The following MTCL1 variants were observed in gnomAD, a reference collection of about 807,000 sequenced individuals.
MTCL1 encodes microtubule crosslinking factor 1.
MTCL1 carries 79 observed loss-of-function variants against 141.4 expected under a neutral mutation model. The observed-to-expected ratio is 0.56, with a 90% CI of 0.47 to 0.67. MTCL1 has a LOEUF of 0.67. Ranked by LOEUF, MTCL1 falls within the 30% of genes least tolerant of loss-of-function variation. The pLI is 0.00. For synonymous variants in MTCL1, 914 were observed against 875.8 expected, an observed-to-expected ratio of 1.04 and a Z score of -0.77; for missense variants, 2,177 against 2,113.9, an observed-to-expected ratio of 1.03 and a Z score of -0.59.
chr18:8,774,090 A>G (rs1447480579), intron 4 of MTCL1, among the ~76,000 whole-genome samples: 1 of 151,656 alleles, frequency 6.6e-6, no homozygotes, highest in East Asian at 1.9e-4. Context: ...AGCCATAGAC[A>G]GTGATAAATG....
At position 8,709,280 on chromosome 18, in the gene MTCL1, ACCC is replaced by A. The variant is rs1347071213; in HGVS notation, c.1053+2568_1053+2570del. 2.6e-5 allele frequency among the ~76,000 whole-genome samples: 4 copies of A among 151,866 alleles called. No individual in the cohort carries two copies. The South Asian group carries it at 8.3e-4, about 32-fold the overall frequency. ...TGATCATAGCTCACTACAACCTTGA[ACCC>A]GTGGGCTCAAGTGATCTTCCTGCCT... On this transcript the variant is annotated intron_variant, in intron 1 of 13. Coordinates refer to the MTCL1 transcript ENST00000306329.
At chr18:8,765,517 A>G (rs766563280) in intron 4 of MTCL1, among the ~76,000 whole-genome samples, 20 of 152,286 alleles carry the variant, frequency 1.3e-4, no homozygotes, top group Non-Finnish European at 2.1e-4. Context: ...CAAGTCACTT[A>G]ACCTTCGCAC....
Position 8,821,448 on chromosome 18 carries a change from A to T in MTCL1, c.3157-19A>T, listed in dbSNP as rs1241351376. The stretch of plus-strand genomic sequence containing the variant: ...AACCAAAATTAACCGATTCAGATGA[A>T]GTTATTTCTTCTTTATAGGAAGAAG... On this transcript the variant is annotated intron_variant, in intron 13 of 16. Transcript: ENST00000359865. The T allele has an allele frequency of 6.9e-7, 1 of 1,445,690 alleles. No individual in the cohort carries two copies. The highest frequency in any genetic ancestry group is 9.6e-7 in the Non-Finnish European group (1 of 1,038,134). The allele number at this position is 1,445,690 out of a possible 1,614,324, so 89.6% of individuals were successfully genotyped here.
At chr18:8,731,728 A>T (rs189996643) in intron 4 of MTCL1, among the ~76,000 whole-genome samples, 13 of 152,072 alleles carry the variant, frequency 8.5e-5, no homozygotes, top group African/African-American at 3.1e-4. Flanking sequence ...TTTTTTTTTG[A>T]GACAGAGTCC....
chr18:8,806,174 G>A (rs556683659), intron 10 of MTCL1, among the ~76,000 whole-genome samples: 21 of 152,172 alleles, frequency 1.4e-4, no homozygotes, highest in Non-Finnish European at 2.2e-4. Context: ...TCTATCTCAA[G>A]GGACCACAAT....
exon 17 of MTCL1, chr18:8,832,710 C>T (rs1371583285): frequency 6.6e-6 from 1 of 152,160 alleles, no homozygotes; most frequent in Non-Finnish European, 1.5e-5. Context: ...CAAATGGAAA[C>T]ACATGATGAT....
intron 11 of MTCL1, among the ~76,000 whole-genome samples, chr18:8,811,414 G>C (rs1360329770): frequency 6.6e-6 from 1 of 152,186 alleles, no homozygotes; most frequent in South Asian, 2.1e-4. Flanking sequence ...CGACACTGGG[G>C]ATCAGATTTC....
At chr18:8,769,679 T>C (rs1288960146) in intron 4 of MTCL1, among the ~76,000 whole-genome samples, 2 of 152,214 alleles carry the variant, frequency 1.3e-5, no homozygotes, top group Non-Finnish European at 2.9e-5. Context: ...GACCTTCCAC[T>C]TGCTGGCCAG....
At chr18:8,709,039 C>G (rs78247093) in intron 1 of MTCL1, among the ~76,000 whole-genome samples, 2 of 151,356 alleles carry the variant, frequency 1.3e-5, no homozygotes, top group African/African-American at 4.9e-5. Context: ...TTCTACAGGT[C>G]GTGGAGCCTG....
intron 4 of MTCL1, among the ~76,000 whole-genome samples, chr18:8,745,096 A>G (rs1308823767): frequency 1.3e-5 from 2 of 152,236 alleles, no homozygotes; most frequent in Admixed American, 6.5e-5. Flanking sequence ...GGAGATTTTC[A>G]GTTATAAGTA....
intron 4 of MTCL1, among the ~76,000 whole-genome samples, chr18:8,729,804 A>AG (rs906891397): frequency 6.6e-6 from 1 of 150,508 alleles, no homozygotes; most frequent in African/African-American, 2.4e-5. Context: ...TCAGGGCAAA[A>AG]GTTTTTAGTT....
chr18:8,773,460 CTT>C (rs2096492932), intron 4 of MTCL1, among the ~76,000 whole-genome samples: 1 of 152,166 alleles, frequency 6.6e-6, no homozygotes, highest in African/African-American at 2.4e-5. Context: ...AGATACTACT[CTT>C]TTGTCTGTCA....
chr18:8,720,208 T>A (rs1242476973), intron 3 of MTCL1, 130 bp from the exon 3 acceptor site: 2 of 795,016 alleles, frequency 2.5e-6, no homozygotes, highest in African/African-American at 3.5e-5. Flanking sequence ...AAGTCAGTTG[T>A]GTATTGCCAG....
intron 11 of MTCL1, chr18:8,811,191 T>A (rs1397146386): frequency 6.6e-6 from 1 of 152,332 alleles, no homozygotes; most frequent in Non-Finnish European, 1.5e-5. Context: ...GCCAGGCTGC[T>A]TCCACTCAGC....
intron 6 of MTCL1, among the ~76,000 whole-genome samples, chr18:8,785,502 G>A (rs544162860): frequency 2.0e-5 from 3 of 152,310 alleles, no homozygotes; most frequent in South Asian, 4.1e-4. Context: ...TCGCCTGGGT[G>A]CATGGCCCAG....
At chr18:8,720,565 C>G (rs750221738) in intron 4 of MTCL1, 69 bp downstream of exon 3, 21 of 1,478,160 alleles carry the variant, frequency 1.4e-5, no homozygotes, top group Non-Finnish European at 1.9e-5. Context: ...TCCAAGTGCC[C>G]CCTTCTCATT....
intron 10 of MTCL1, chr18:8,800,789 T>C (rs1432924231): frequency 2.0e-5 from 3 of 152,158 alleles, no homozygotes; most frequent in African/African-American, 4.8e-5. Context: ...TGATTAATGG[T>C]GTGGGAATGA....
exon 15 of MTCL1, chr18:8,825,307 G>A (rs755818580): frequency 1.9e-6 from 3 of 1,541,050 alleles, no homozygotes; most frequent in East Asian, 4.5e-5. Flanking sequence ...ACCTCCCTGG[G>A]GTTTGCCTCC....
Position 8,750,784 on chromosome 18 carries a change from T to C in MTCL1, c.358-27049T>C, listed in dbSNP as rs569456603. Among the ~76,000 whole-genome samples, 49 of 152,140 alleles carry C rather than the reference T, an allele frequency of 3.2e-4. 1 individual carries two copies. Among genetic ancestry groups the C allele is most frequent in the African/African-American group, 1.2e-3 (49 of 41,504 alleles). ...AGATTATGTGTCTGATTTAAGGGAG[T>C]CTTGGCTTATAAGAGTGCTTTATTT... On this transcript the variant is annotated intron_variant, in intron 4 of 16. Transcript: ENST00000359865.
Sources: gnomAD v4.1 joint callset for allele counts (sites outside exome capture counted in the v4.1 genomes callset) on GRCh38, gnomAD v4.1.1 for gene constraint, MANE v1.5 for transcripts, NCBI Gene and HGNC (gene_info 2026-07-23, HGNC 2026-07-21) for gene names.